SLC14A2: variants seen among roughly 807,000 people sequenced by gnomAD.
The protein encoded by SLC14A2 is urea transporter 2.
In SLC14A2, 91 loss-of-function variants were observed where a neutral mutation model predicts 104.6. The ratio of observed to expected loss-of-function variants is 0.87; its 90% CI spans 0.73 to 1.04. SLC14A2 has a LOEUF of 1.04. Among genes scored for constraint, SLC14A2 ranks in the 50% least tolerant of loss-of-function variants. The pLI, the probability that SLC14A2 is intolerant of heterozygous loss-of-function variation, is 0.00. For missense variants in SLC14A2, 1,189 were observed against 1,156.0 expected (o/e 1.03, Z -0.41); for synonymous variants, 476 against 466.4 (o/e 1.02, Z -0.27).
chr18:45,297,275 G>A (rs1308562589), intron 1 of SLC14A2, among the ~76,000 whole-genome samples: 1 of 152,178 alleles, frequency 6.6e-6, no homozygotes, highest in African/African-American at 2.4e-5. Flanking sequence ...CTCTTGATAT[G>A]TTGTCTAATT....
intron 10 of SLC14A2, 160 bp downstream of exon 10, chr18:45,644,320 T>G: frequency 1.7e-6 from 1 of 591,644 alleles, no homozygotes; most frequent in South Asian, 3.0e-5. Flanking sequence ...TCCCTGAAGC[T>G]GATTTTCATT....
rs1046648879 is a variant in SLC14A2 at position 45,587,905 on chromosome 18, A to G, written c.-34-36726A>G. On this transcript the variant is annotated intron_variant, in intron 2 of 20. Coordinates refer to the SLC14A2 transcript ENST00000586448. ...AATCCTCATAGCCATCCTAGAAGTC[A>G]GAAACAGATGCCACCGCTATCCCCA... is the stretch of plus-strand genomic sequence containing the variant. Among the ~76,000 whole-genome samples, 3 of 152,296 alleles carry G rather than the reference A, an allele frequency of 2.0e-5. No homozygotes were observed. The East Asian group carries it at 5.8e-4, about 29-fold the overall frequency.
At chr18:45,459,926 T>C (rs1428550327) in intron 1 of SLC14A2, among the ~76,000 whole-genome samples, 1 of 152,170 alleles carries the variant, frequency 6.6e-6, no homozygotes, top group Non-Finnish European at 1.5e-5. Flanking sequence ...ACCTCCCCTT[T>C]GCCACATCTC....
At chr18:45,318,918 G>A (rs897597532) in intron 1 of SLC14A2, among the ~76,000 whole-genome samples, 20 of 152,208 alleles carry the variant, frequency 1.3e-4, no homozygotes, top group South Asian at 4.2e-4. Context: ...TCGGAGCCAC[G>A]CCTGAGCTCA....
the SLC14A2 span, among the ~76,000 whole-genome samples, chr18:45,196,951 G>A: frequency 4.6e-5 from 7 of 152,320 alleles, no homozygotes; most frequent in East Asian, 1.9e-4. Context: ...CACAGAAAAC[G>A]AATTAGCCAA....
intron 1 of SLC14A2, among the ~76,000 whole-genome samples, chr18:45,339,263 C>T (rs528666058): frequency 1.2e-4 from 19 of 152,192 alleles, no homozygotes; most frequent in Non-Finnish European, 2.8e-4. Flanking sequence ...CGCACCTGGC[C>T]TCCTTATACC....
upstream of SLC14A2, among the ~76,000 whole-genome samples, chr18:45,612,597 A>G (rs1872360): frequency 0.1 from 15,671 of 152,274 alleles, 948 homozygotes; most frequent in East Asian, 0.23. Context: ...GGTAGGCACT[A>G]TTATTGTCCT....
chr18:45,432,658 C>G (rs3850523), intron 1 of SLC14A2, among the ~76,000 whole-genome samples: 85,331 of 151,990 alleles, frequency 0.56, 24,172 homozygotes, highest in Admixed American at 0.69. Context: ...TTTGTGAGTA[C>G]ACTTTGATAT....
At chr18:45,300,585 G>C (rs2084958904) in intron 1 of SLC14A2, among the ~76,000 whole-genome samples, 1 of 152,090 alleles carries the variant, frequency 6.6e-6, no homozygotes. Flanking sequence ...ATGATGCAGG[G>C]GATGTGAAGT....
intron 2 of SLC14A2, among the ~76,000 whole-genome samples, chr18:45,499,201 G>A (rs1433388738): frequency 1.3e-5 from 2 of 152,160 alleles, no homozygotes; most frequent in Non-Finnish European, 2.9e-5. Flanking sequence ...CAATGTTAGA[G>A]TCTCCCCAAA....
intron 1 of SLC14A2, among the ~76,000 whole-genome samples, chr18:45,426,768 C>A (rs2086438962): frequency 1.3e-5 from 2 of 150,454 alleles, no homozygotes; most frequent in Non-Finnish European, 3.0e-5. Context: ...AGCCCTTGAA[C>A]AAAATTGGGC....
intron 1 of SLC14A2, among the ~76,000 whole-genome samples, chr18:45,393,252 T>C (rs1236141576): frequency 6.6e-6 from 1 of 152,210 alleles, no homozygotes; most frequent in African/African-American, 2.4e-5. Flanking sequence ...TATAAAATGT[T>C]GGGAGCTGAG....
the SLC14A2 span, among the ~76,000 whole-genome samples, chr18:45,200,954 G>A: frequency 6.6e-6 from 1 of 151,828 alleles, no homozygotes; most frequent in African/African-American, 2.4e-5. Context: ...CCTATCCAGG[G>A]TACCACATTA....
intron 1 of SLC14A2, among the ~76,000 whole-genome samples, chr18:45,317,119 G>A (rs1033346257): frequency 6.6e-6 from 1 of 152,178 alleles, no homozygotes; most frequent in African/African-American, 2.4e-5. Flanking sequence ...TGTGCATTGT[G>A]GTGTTGATAT....
At chr18:45,369,234 C>T (rs1449789676) in intron 1 of SLC14A2, among the ~76,000 whole-genome samples, 2 of 152,182 alleles carry the variant, frequency 1.3e-5, no homozygotes, top group Non-Finnish European at 2.9e-5. Flanking sequence ...AGTTTAGTCT[C>T]CGATGAAGGA....
At chr18:45,499,711 C>G (rs2043160482) in intron 2 of SLC14A2, among the ~76,000 whole-genome samples, 1 of 152,118 alleles carries the variant, frequency 6.6e-6, no homozygotes. Context: ...AGGAGGGTGT[C>G]AACATTGGGT....
chr18:45,651,909 A>G (rs931839432), intron 10 of SLC14A2, among the ~76,000 whole-genome samples: 14 of 152,346 alleles, frequency 9.2e-5, no homozygotes, highest in African/African-American at 3.1e-4. Context: ...GACCAACATT[A>G]TTCAACTCTC....
intron 1 of SLC14A2, among the ~76,000 whole-genome samples, chr18:45,413,055 T>C (rs919095118): frequency 2.4e-4 from 36 of 152,206 alleles, no homozygotes; most frequent in Non-Finnish European, 4.9e-4. Context: ...TTTTCTGAAA[T>C]GCTTTTTGTC....
chr18:45,647,977 C>A lies in SLC14A2; in HGVS notation c.1351+3817C>A, dbSNP rs558571792. ...ATTTGTTAATTGTATTATTCAATTT[C>A]TCTATGTTCTTATTTTTTTGTATAT... On this transcript the variant is annotated intron_variant, in intron 10 of 19. Coordinates refer to ENST00000255226, the MANE Select transcript of SLC14A2 (RefSeq NM_007163.4). The A allele has an allele frequency of 5.3e-5, 8 of 151,868 alleles. No homozygotes were observed. The East Asian group carries it at 1.5e-3, about 29-fold the overall frequency. 9.4% of individuals were successfully genotyped at this position (151,868 alleles called of 1,614,324 possible).
Sources: gnomAD v4.1 joint callset for allele counts (sites outside exome capture counted in the v4.1 genomes callset) on GRCh38, gnomAD v4.1.1 for gene constraint, MANE v1.5 for transcripts, NCBI Gene and HGNC (gene_info 2026-07-23, HGNC 2026-07-21) for gene names.